DOK6: variants seen among roughly 807,000 people sequenced by gnomAD.
The protein encoded by DOK6 is docking protein 6.
DOK6 carries 22 observed loss-of-function variants against 44.0 expected under a neutral mutation model. That is an observed-to-expected ratio of 0.50 (90% CI 0.36 to 0.71). The LOEUF is 0.71. DOK6 is among the 30% of genes least tolerant of loss of function. DOK6 has a pLI of 0.00. For synonymous variants in DOK6, 166 were observed against 145.5 expected, an observed-to-expected ratio of 1.14 and a Z score of -1.01; for missense variants, 340 against 416.4, an observed-to-expected ratio of 0.82 and a Z score of 1.60.
At chr18:69,698,632 G>A in intron 5 of DOK6, 39 bp downstream of exon 5, 1 of 1,590,634 alleles carries the variant, frequency 6.3e-7, no homozygotes, top group Non-Finnish European at 8.6e-7. Context: ...GGAGTTGTCT[G>A]TATAACAGAG....
chr18:69,647,317 G>A (rs1037151170), intron 3 of DOK6: 1 of 152,108 alleles, frequency 6.6e-6, no homozygotes, highest in Admixed American at 6.6e-5. Context: ...TAGAAGTACA[G>A]GTTATGGTGG....
At chr18:69,403,332 A>C (rs1001042765) in intron 1 of DOK6, among the ~76,000 whole-genome samples, 1 of 152,210 alleles carries the variant, frequency 6.6e-6, no homozygotes, top group Non-Finnish European at 1.5e-5. Flanking sequence ...ATAGGGCCCA[A>C]GGAAAGTGCA....
chr18:69,603,498 G>A (rs760612162), intron 3 of DOK6, among the ~76,000 whole-genome samples: 7 of 152,152 alleles, frequency 4.6e-5, no homozygotes, highest in African/African-American at 1.7e-4. Flanking sequence ...TCTGCCGGGC[G>A]CTGTGGCTCA....
intron 3 of DOK6, among the ~76,000 whole-genome samples, chr18:69,664,437 T>A (rs1985605476): frequency 6.6e-6 from 1 of 152,234 alleles, no homozygotes; most frequent in Non-Finnish European, 1.5e-5. Context: ...ATTATCAGAA[T>A]AATTATACTT....
intron 2 of DOK6, among the ~76,000 whole-genome samples, chr18:69,591,210 A>G (rs1402393817): frequency 6.6e-6 from 1 of 152,136 alleles, no homozygotes; most frequent in Non-Finnish European, 1.5e-5. Flanking sequence ...TAGACTTCCA[A>G]GTGTGTCTTT....
At chr18:69,561,718 A>T (rs1982837258) in intron 1 of DOK6, among the ~76,000 whole-genome samples, 2 of 152,152 alleles carry the variant, frequency 1.3e-5, no homozygotes, top group South Asian at 4.1e-4. Flanking sequence ...TATCCTGCAC[A>T]TGCTTTTCAA....
chr18:69,837,119 T>C (rs1298008356), intron 7 of DOK6, among the ~76,000 whole-genome samples: 1 of 152,218 alleles, frequency 6.6e-6, no homozygotes, highest in Non-Finnish European at 1.5e-5. Flanking sequence ...ATATTCTAAG[T>C]ATGTCATAGT....
At chr18:69,528,005 T>C (rs1981880546) in intron 1 of DOK6, among the ~76,000 whole-genome samples, 1 of 151,782 alleles carries the variant, frequency 6.6e-6, no homozygotes, top group South Asian at 2.1e-4. Flanking sequence ...CTACTAAAAA[T>C]ACAAAAAATT....
chr18:69,677,831 A>AG lies in DOK6; in HGVS notation c.389dup (p.Val131SerfsTer7). ...TTGGGGAGCCCGACCTTCTGGCCGCAGGAGTGCAGCGGGAACAGAATGGTA... is the reference window on the plus strand; with the variant it reads ...TTGGGGAGCCCGACCTTCTGGCCGCAGGGAGTGCAGCGGGAACAGAATGGTA... On this transcript the variant is annotated frameshift_variant, in exon 4 of 8. Coordinates refer to ENST00000382713, the MANE Select transcript of DOK6 (RefSeq NM_152721.6). LOFTEE classifies it high-confidence loss of function. 6.2e-7 allele frequency: 1 copy of AG among 1,613,678 alleles called. No homozygotes were observed. The highest frequency in any genetic ancestry group is 8.5e-7 in the Non-Finnish European group (1 of 1,179,732).
In DOK6 at chr18:69,618,890, T is replaced by C. The variant is rs551401328; in HGVS notation, c.289+19392T>C. 4.2e-4 allele frequency among the ~76,000 whole-genome samples: 64 copies of C among 152,170 alleles called. 3 individuals are homozygous for C. The South Asian group carries it at 9.1e-3, about 22-fold the overall frequency. On this transcript the variant is annotated intron_variant, in intron 3 of 7. Coordinates refer to ENST00000382713, the MANE Select transcript of DOK6 (RefSeq NM_152721.6). ...AAAATTATTTCTTTTTAAATAAAAA[T>C]AACGATTTTTTTTTCTGATTGTCAA...
At chr18:69,542,382 G>C (rs1982292701) in intron 1 of DOK6, among the ~76,000 whole-genome samples, 1 of 151,354 alleles carries the variant, frequency 6.6e-6, no homozygotes, top group Admixed American at 6.6e-5. Flanking sequence ...ACAATGGTGG[G>C]AAACAGAAGA....
chr18:69,409,707 T>G (rs1042507802), intron 1 of DOK6, among the ~76,000 whole-genome samples: 4 of 143,146 alleles, frequency 2.8e-5, no homozygotes, highest in Non-Finnish European at 6.1e-5. Context: ...AAAGTTAGTA[T>G]TTTTTCCCCA....
intron 7 of DOK6, among the ~76,000 whole-genome samples, chr18:69,812,277 T>C (rs112547691): frequency 6.6e-6 from 1 of 152,186 alleles, no homozygotes; most frequent in Non-Finnish European, 1.5e-5. Context: ...AATTGCAAGA[T>C]ACTTTTACCC....
intron 1 of DOK6, among the ~76,000 whole-genome samples, chr18:69,465,215 T>A (rs1045054089): frequency 3.7e-4 from 57 of 152,212 alleles, no homozygotes; most frequent in Admixed American, 3.5e-3. Flanking sequence ...ATAATGGAAA[T>A]CAGATATGGA....
At chr18:69,609,128 T>G (rs10439008) in intron 3 of DOK6, among the ~76,000 whole-genome samples, 1 of 152,038 alleles carries the variant, frequency 6.6e-6, no homozygotes, top group East Asian at 1.9e-4. Context: ...AAAGCTCAGA[T>G]AACAAAAGCA....
At chr18:69,582,298 A>C (rs1417515091) in intron 2 of DOK6, among the ~76,000 whole-genome samples, 2 of 152,212 alleles carry the variant, frequency 1.3e-5, no homozygotes, top group Non-Finnish European at 2.9e-5. Context: ...ATTTAAAGCT[A>C]TACAAATTTC....
At chr18:69,407,015 A>G (rs1261399827) in intron 1 of DOK6, among the ~76,000 whole-genome samples, 3 of 152,190 alleles carry the variant, frequency 2.0e-5, no homozygotes, top group South Asian at 2.1e-4. Flanking sequence ...CGAGAGGTGG[A>G]GGTTGCAGTG....
intron 1 of DOK6, among the ~76,000 whole-genome samples, chr18:69,430,278 A>G (rs774681997): frequency 6.6e-6 from 1 of 152,222 alleles, no homozygotes; most frequent in Non-Finnish European, 1.5e-5. Flanking sequence ...CAGTCTAAGC[A>G]TTCAGAAAGG....
Position 69,435,028 on chromosome 18 carries a change from A to AGGG in DOK6, c.66+33718_66+33719insGGG, listed in dbSNP as rs1337340668. Among the ~76,000 whole-genome samples the AGGG allele has an allele frequency of 1.6e-3, 50 of 31,456 alleles. 1 individual carries two copies. The highest frequency in any genetic ancestry group is 4.2e-3 in the African/African-American group (46 of 10,898). 20.6% of individuals were successfully genotyped at this position (31,456 alleles called of 152,430 possible). A position where few individuals can be genotyped will look rare whatever the true frequency, so the allele number is the denominator to read the frequency against. ...GAAAGATTAGTGTAGGGAGGGAGGG[A>AGGG]AGGAAGGAAGGAAGGAAGGAAGGAA... On this transcript the variant is annotated intron_variant, in intron 1 of 7. Transcript: ENST00000382713.
Sources: gnomAD v4.1 joint callset for allele counts (sites outside exome capture counted in the v4.1 genomes callset) on GRCh38, gnomAD v4.1.1 for gene constraint, MANE v1.5 for transcripts, NCBI Gene and HGNC (gene_info 2026-07-23, HGNC 2026-07-21) for gene names.